PRMT8: variants seen among roughly 807,000 people sequenced by gnomAD.
PRMT8 encodes protein arginine N-methyltransferase 8.
A neutral mutation model predicts 47.1 loss-of-function variants in PRMT8; 7 were observed. That is an observed-to-expected ratio of 0.15 (90% confidence interval 0.08 to 0.28). PRMT8 has a LOEUF of 0.28. Among genes scored for constraint, PRMT8 ranks in the 10% least tolerant of loss-of-function variants. The pLI is 1.00. For missense variants in PRMT8, 237 were observed against 505.4 expected, an observed-to-expected ratio of 0.47 and a Z score of 5.09; for synonymous variants, 188 against 186.5, an observed-to-expected ratio of 1.01 and a Z score of -0.07.
chr12:3,429,075 T>C (rs1864643178), intron 1 of PRMT8, among the ~76,000 whole-genome samples: 1 of 152,210 alleles, frequency 6.6e-6, no homozygotes, highest in South Asian at 2.1e-4. Flanking sequence ...TCTCTTCCTC[T>C]GTCTCTGCTG....
chr12:3,569,403 T>A lies in PRMT8; in HGVS notation c.625-74T>A. 8.1e-7 allele frequency: 1 copy of A among 1,228,462 alleles called. No individual in the cohort carries two copies. The highest frequency in any genetic ancestry group is 1.5e-5 in the African/African-American group (1 of 67,508). The allele number at this position is 1,228,462 out of a possible 1,614,324, so 76.1% of individuals were successfully genotyped here. A position where few individuals can be genotyped will look rare whatever the true frequency, so the allele number is the denominator to read the frequency against. On this transcript the variant is annotated intron_variant, in intron 5 of 9. Transcript: ENST00000382622. The surrounding 1 kb of genome is among the most constrained non-coding windows in gnomAD (Gnocchi z 8.2). ...AGGGGGTGCTTGTCTGGTGACTCTA[T>A]GTGCAGTTCAAAATGTGATGTCTTT...
At chr12:3,531,478 C>T (rs188285901) in intron 1 of PRMT8, among the ~76,000 whole-genome samples, 1 of 152,250 alleles carries the variant, frequency 6.6e-6, no homozygotes, top group Non-Finnish European at 1.5e-5. Flanking sequence ...GGAAAACAGC[C>T]CCAGTTTATT....
At chr12:3,408,314 A>G (rs1395423522) in intron 1 of PRMT8, among the ~76,000 whole-genome samples, 1 of 151,366 alleles carries the variant, frequency 6.6e-6, no homozygotes, top group Non-Finnish European at 1.5e-5. Context: ...GCTCACTGCA[A>G]CCTCCACCTC....
intron 1 of PRMT8, among the ~76,000 whole-genome samples, chr12:3,437,334 AT>A (rs1371533076): frequency 6.6e-6 from 1 of 151,520 alleles, no homozygotes; most frequent in African/African-American, 2.4e-5. Flanking sequence ...TAGTATGGGT[AT>A]TGTACAATTT....
chr12:3,528,068 C>T (rs1865973418), intron 1 of PRMT8, among the ~76,000 whole-genome samples: 1 of 152,104 alleles, frequency 6.6e-6, no homozygotes, highest in Admixed American at 6.5e-5. Context: ...TCTACCCCTG[C>T]CACTTTTAAG....
intron 1 of PRMT8, among the ~76,000 whole-genome samples, chr12:3,437,333 T>C (rs1864754394): frequency 6.6e-6 from 1 of 152,076 alleles, no homozygotes; most frequent in Non-Finnish European, 1.5e-5. Flanking sequence ...ATAGTATGGG[T>C]ATTGTACAAT....
At chr12:3,549,099 T>C (rs549147862) in intron 2 of PRMT8, among the ~76,000 whole-genome samples, 1 of 152,328 alleles carries the variant, frequency 6.6e-6, no homozygotes, top group Non-Finnish European at 1.5e-5. Flanking sequence ...AATCAGATCA[T>C]TTGTCATCTT....
intron 1 of PRMT8, among the ~76,000 whole-genome samples, chr12:3,498,786 G>A (rs995081703): frequency 6.6e-6 from 1 of 152,158 alleles, no homozygotes; most frequent in East Asian, 1.9e-4. Flanking sequence ...TTCATCACCT[G>A]TATTACCCTC....
intron 1 of PRMT8, among the ~76,000 whole-genome samples, chr12:3,527,497 C>G (rs1440861742): frequency 6.6e-6 from 1 of 152,092 alleles, no homozygotes; most frequent in African/African-American, 2.4e-5. Flanking sequence ...TTAATATTTT[C>G]AGACAATGGT....
intron 1 of PRMT8, among the ~76,000 whole-genome samples, chr12:3,540,188 GA>G (rs1250573552): frequency 6.6e-6 from 1 of 152,124 alleles, no homozygotes; most frequent in Non-Finnish European, 1.5e-5. Flanking sequence ...GTATAGCTGG[GA>G]AATGGCAGAG....
chr12:3,507,016 T>G (rs1865637618), intron 1 of PRMT8, among the ~76,000 whole-genome samples: 1 of 152,118 alleles, frequency 6.6e-6, no homozygotes, highest in Non-Finnish European at 1.5e-5. Flanking sequence ...CTAATGCCAC[T>G]ATAAGGGGAA....
At chr12:3,416,876 A>G (rs1333820343) in intron 1 of PRMT8, among the ~76,000 whole-genome samples, 1 of 152,194 alleles carries the variant, frequency 6.6e-6, no homozygotes, top group Non-Finnish European at 1.5e-5. Flanking sequence ...ATTTTCTCAG[A>G]TGTGGGGCAG....
At chr12:3,577,568 A>G (rs1866971216) in intron 7 of PRMT8, among the ~76,000 whole-genome samples, 1 of 152,018 alleles carries the variant, frequency 6.6e-6, no homozygotes, top group African/African-American at 2.4e-5. Context: ...CATGCTCTAA[A>G]CCAAGTGTGT....
At chr12:3,401,210 A>T (rs1387608316) in intron 1 of PRMT8, among the ~76,000 whole-genome samples, 1 of 152,006 alleles carries the variant, frequency 6.6e-6, no homozygotes. Context: ...CATAAACAGA[A>T]CTAAAGACAA....
Position 3,491,579 on chromosome 12 carries a change from C to T in PRMT8, c.-47C>T, listed in dbSNP as rs768393081. On this transcript the variant is annotated 5_prime_UTR_variant, in exon 1 of 10. Coordinates refer to ENST00000382622, the MANE Select transcript of PRMT8 (RefSeq NM_019854.5). ...TCTCTTTTAAAGCGACACCAGCTCT[C>T]TCTCCTCCTCTACTATCTCGGTATC... The T allele has an allele frequency of 1.5e-5, 24 of 1,590,424 alleles. No homozygotes were observed. The highest frequency in any genetic ancestry group is 2.1e-5 in the Non-Finnish European group (24 of 1,169,868).
intron 2 of PRMT8, among the ~76,000 whole-genome samples, chr12:3,547,890 G>A (rs530450876): frequency 3.3e-5 from 5 of 152,254 alleles, no homozygotes; most frequent in East Asian, 1.9e-4. Flanking sequence ...AGCCTATTCT[G>A]TATGAATTAA....
At chr12:3,592,859 G>A (rs185218420) in intron 9 of PRMT8, among the ~76,000 whole-genome samples, 2 of 152,310 alleles carry the variant, frequency 1.3e-5, no homozygotes, top group East Asian at 1.9e-4. Flanking sequence ...GGACGAACTC[G>A]GAACGTTTTG....
intron 1 of PRMT8, among the ~76,000 whole-genome samples, chr12:3,400,754 C>T (rs192307379): frequency 2.4e-3 from 358 of 152,266 alleles, no homozygotes; most frequent in Non-Finnish European, 3.2e-3. Context: ...GTGCAAAAAT[C>T]CTCAATAAAA....
intron 1 of PRMT8, among the ~76,000 whole-genome samples, chr12:3,442,689 C>CA (rs1161838875): frequency 3.3e-5 from 5 of 152,182 alleles, no homozygotes; most frequent in African/African-American, 1.2e-4. Context: ...GATAGAGTCT[C>CA]ACTCTGTCAC....
Sources: gnomAD v4.1 joint callset for allele counts (sites outside exome capture counted in the v4.1 genomes callset) on GRCh38, gnomAD v4.1.1 for gene constraint, Gnocchi (gnomAD v3.1) non-coding constraint, MANE v1.5 for transcripts, NCBI Gene and HGNC (gene_info 2026-07-23, HGNC 2026-07-21) for gene names.